Variants in ADGRA1 observed in about 807,000 individuals in gnomAD.
ADGRA1 encodes the protein adhesion G protein-coupled receptor A1.
A neutral mutation model predicts 21.3 loss-of-function variants in ADGRA1; 12 were observed. The ratio of observed to expected loss-of-function variants is 0.56; its 90% CI spans 0.36 to 0.91. ADGRA1 has a LOEUF of 0.91. ADGRA1 is among the 40% of genes least tolerant of loss of function. The pLI, the probability that ADGRA1 is intolerant of heterozygous loss-of-function variation, is 0.01. For missense variants in ADGRA1, 790 were observed against 805.6 expected (o/e 0.98, Z 0.23); for synonymous variants, 385 against 368.8 (o/e 1.04, Z -0.50).
chr10:133,094,638 G>A (rs919942734), intron 2 of ADGRA1, among the ~76,000 whole-genome samples: 2 of 152,162 alleles, frequency 1.3e-5, no homozygotes, highest in African/African-American at 4.8e-5. Flanking sequence ...CGATAGACTC[G>A]GAGAGGGCTG....
At chr10:133,104,911 C>G (rs1293406804) in intron 5 of ADGRA1, among the ~76,000 whole-genome samples, 2 of 152,176 alleles carry the variant, frequency 1.3e-5, no homozygotes, top group Non-Finnish European at 2.9e-5. Flanking sequence ...CTCAGGGAGG[C>G]CAGCAGGCTG....
intron 5 of ADGRA1, among the ~76,000 whole-genome samples, chr10:133,103,367 G>A (rs1851834537): frequency 6.6e-6 from 1 of 152,226 alleles, no homozygotes; most frequent in Non-Finnish European, 1.5e-5. Context: ...CACACACTCA[G>A]GCACTCATTT....
Position 133,128,667 on chromosome 10 carries a change from G to T in ADGRA1, c.839G>T (p.Gly280Val). 1 of 1,610,632 alleles carries T rather than the reference G, an allele frequency of 6.2e-7. No homozygotes were observed. Residue 280 changes from glycine (G) to valine (V), a missense_variant, in exon 7 of 7, where the codon GGC becomes GTC. By Grantham distance (109) the Gly-to-Val change is moderately radical. Around this residue, in one of 3 missense-constraint regions of ADGRA1, gnomAD observed 382 missense variants for 415.6 expected, o/e 0.92. Coordinates refer to ENST00000392607, the MANE Select transcript of ADGRA1 (RefSeq NM_001083909.3). ...WAFGALAVSQ[G>V]HFLDMVFSCL... ...TTCGGGGCGCTGGCGGTGTCACAGG[G>T]CCACTTCCTGGACATGGTCTTCAGC...
At chr10:133,100,041 G>A (rs777414522) in intron 4 of ADGRA1, among the ~76,000 whole-genome samples, 8 of 152,180 alleles carry the variant, frequency 5.3e-5, no homozygotes, top group South Asian at 2.1e-4. Flanking sequence ...CTACACTTCC[G>A]TGTGCCAGGC....
intron 5 of ADGRA1, among the ~76,000 whole-genome samples, chr10:133,110,833 C>T (rs916376892): frequency 6.6e-6 from 1 of 152,150 alleles, no homozygotes; most frequent in South Asian, 2.1e-4. Flanking sequence ...TCTTCCCCTT[C>T]CTTGTCTTTA....
intron 2 of ADGRA1, chr10:133,093,151 C>T: frequency 1.9e-6 from 3 of 1,596,362 alleles, no homozygotes; most frequent in South Asian, 2.2e-5. Context: ...GTCGGAGCTG[C>T]AGACCTGGCC....
chr10:133,129,565 C>T lies in ADGRA1; in HGVS notation c.*54C>T, dbSNP rs1404824915. The T allele has an allele frequency of 1.2e-5, 17 of 1,459,556 alleles. No individual in the cohort carries two copies. Among genetic ancestry groups the T allele is most frequent in the South Asian group, 1.3e-5 (1 of 75,848 alleles). 90.4% of individuals were successfully genotyped at this position (1,459,556 alleles called of 1,614,324 possible). The stretch of plus-strand genomic sequence containing the variant: ...AGGAGCTTCAGAGCAGAGTGGGGGG[C>T]CCATCTGCCACATGAGGTCACTGGG... On this transcript the variant is annotated 3_prime_UTR_variant, in exon 7 of 7. Transcript: ENST00000392607.
intron 2 of ADGRA1, 102 bp from the exon 3 acceptor site, chr10:133,096,872 C>A: frequency 7.2e-7 from 1 of 1,393,638 alleles, no homozygotes; most frequent in Non-Finnish European, 9.8e-7. Flanking sequence ...ATGCCTGGAG[C>A]GGCTGCAGGG....
In ADGRA1 at chr10:133,130,942, C is replaced by A. The variant is rs965765893; in HGVS notation, c.*1431C>A. On this transcript the variant is annotated 3_prime_UTR_variant, in exon 7 of 7. Coordinates refer to ENST00000392607, the MANE Select transcript of ADGRA1 (RefSeq NM_001083909.3). ...CCTGCTGTGCACATGTGCACACACACGTAGTAGTGTGTTTTCCAGCCACCC... is the reference window on the plus strand; with the variant it reads ...CCTGCTGTGCACATGTGCACACACAAGTAGTAGTGTGTTTTCCAGCCACCC... The A allele has an allele frequency of 2.6e-5, 4 of 152,242 alleles. No individual in the cohort carries two copies. The highest frequency in any genetic ancestry group is 9.6e-5 in the African/African-American group (4 of 41,460). 9.4% of individuals were successfully genotyped at this position (152,242 alleles called of 1,614,324 possible).
intron 5 of ADGRA1, among the ~76,000 whole-genome samples, chr10:133,109,277 C>T (rs1014053155): frequency 2.0e-5 from 3 of 152,130 alleles, no homozygotes; most frequent in Non-Finnish European, 4.4e-5. Context: ...TCCTCCTCTC[C>T]CAGCCCCCGC....
chr10:133,122,720 A>G (rs367769175), intron 5 of ADGRA1, among the ~76,000 whole-genome samples: 116 of 152,108 alleles, frequency 7.6e-4, no homozygotes, highest in African/African-American at 2.7e-3. Flanking sequence ...AGAAGCGAGA[A>G]CCTTGGGGCC....
rs186365956 is a variant in ADGRA1 at position 133,088,312 on chromosome 10, C to T, written c.-203+174C>T. The T allele has an allele frequency of 4.9e-3, 890 of 180,222 alleles. 7 individuals carry two copies. The highest frequency in any genetic ancestry group is 0.02 in the African/African-American group (825 of 41,474). 11.2% of individuals were successfully genotyped at this position (180,222 alleles called of 1,614,324 possible). ...ATCCAGGGCCCCCGCCCCGCGCGCC[C>T]GGCCCGGAGCTCGAGCCACATCCAG... On this transcript the variant is annotated intron_variant, in intron 1 of 6. Transcript: ENST00000392607.
intron 5 of ADGRA1, among the ~76,000 whole-genome samples, chr10:133,106,814 C>A (rs1419442409): frequency 6.6e-6 from 1 of 152,254 alleles, no homozygotes; most frequent in East Asian, 1.9e-4. Context: ...TCTCTGCACA[C>A]AGTCTCACCC....
At chr10:133,110,404 T>A (rs1851967041) in intron 5 of ADGRA1, among the ~76,000 whole-genome samples, 1 of 152,244 alleles carries the variant, frequency 6.6e-6, no homozygotes, top group Non-Finnish European at 1.5e-5. Flanking sequence ...CCCAGGCTGC[T>A]GTAGTGCCAC....
intron 5 of ADGRA1, among the ~76,000 whole-genome samples, chr10:133,121,987 CTG>C (rs754949089): frequency 1.8e-4 from 27 of 150,076 alleles, no homozygotes; most frequent in East Asian, 7.9e-4. Context: ...ATGTGTGTGC[CTG>C]TGTGTGTGAT....
rs185572701 is a variant in ADGRA1 at position 133,109,169 on chromosome 10, C to T, written c.401+6327C>T. On this transcript the variant is annotated intron_variant, in intron 5 of 6. Coordinates refer to ENST00000392607, the MANE Select transcript of ADGRA1 (RefSeq NM_001083909.3). ...GCAGCAGCACTGCTCTCCCAGCATT[C>T]GTGTCTGGGTGCTAGACATTTTGCC... Among the ~76,000 whole-genome samples, 132 of 151,856 alleles carry T rather than the reference C, an allele frequency of 8.7e-4. No homozygotes were observed. The South Asian group carries it at 0.014, about 16-fold the overall frequency.
intron 2 of ADGRA1, 134 bp downstream of exon 2, chr10:133,089,046 C>T: frequency 3.2e-6 from 4 of 1,233,680 alleles, no homozygotes; most frequent in Non-Finnish European, 4.1e-6. Flanking sequence ...GGGCTCAGTG[C>T]CGGGGTGGGA....
intron 5 of ADGRA1, among the ~76,000 whole-genome samples, chr10:133,110,545 T>C (rs1043948756): frequency 2.0e-5 from 3 of 152,150 alleles, no homozygotes; most frequent in African/African-American, 7.2e-5. Flanking sequence ...CTGCACAGGG[T>C]CGAATGTTCA....
At chr10:133,104,086 G>A (rs1027836610) in intron 5 of ADGRA1, among the ~76,000 whole-genome samples, 5 of 152,226 alleles carry the variant, frequency 3.3e-5, no homozygotes, top group African/African-American at 7.2e-5. Context: ...GCACTGTCCC[G>A]TCCAAAACGG....
Sources: gnomAD v4.1 joint callset for allele counts (sites outside exome capture counted in the v4.1 genomes callset) on GRCh38, gnomAD v4.1.1 for gene constraint, gnomAD v4.1.1 regional missense constraint, MANE v1.5 for transcripts, NCBI Gene and HGNC (gene_info 2026-07-23, HGNC 2026-07-21) for gene names.